GRIN3A: variants seen among roughly 807,000 people sequenced by gnomAD.
GRIN3A encodes glutamate ionotropic receptor NMDA type subunit 3A, also known as glutamate receptor ionotropic, NMDA 3A.
A neutral mutation model predicts 92.4 loss-of-function variants in GRIN3A; 47 were observed. The ratio of observed to expected loss-of-function variants is 0.51; its 90% CI spans 0.40 to 0.65. GRIN3A has a LOEUF of 0.65. GRIN3A is among the 30% of genes least tolerant of loss of function. GRIN3A has a pLI of 0.00. For missense variants in GRIN3A, 1,324 were observed against 1,393.1 expected (o/e 0.95, Z 0.79); for synonymous variants, 527 against 540.6 (o/e 0.97, Z 0.35).
intron 6 of GRIN3A, among the ~76,000 whole-genome samples, chr9:101,581,627 G>A (rs1462649365): frequency 1.3e-5 from 2 of 152,122 alleles, no homozygotes; most frequent in South Asian, 2.1e-4. Flanking sequence ...AATAAACTTG[G>A]TGGTGCTTTG....
At chr9:101,717,699 T>A (rs1829964383) in intron 1 of GRIN3A, among the ~76,000 whole-genome samples, 1 of 124,184 alleles carries the variant, frequency 8.1e-6, no homozygotes, top group Admixed American at 9.2e-5. Context: ...TTCTCTAATT[T>A]TAAATGTCAA....
intron 4 of GRIN3A, 107 bp from the exon 5 acceptor site, chr9:101,623,540 G>A: frequency 2.6e-6 from 2 of 772,436 alleles, no homozygotes; most frequent in South Asian, 2.9e-5. Context: ...GAACACTAAG[G>A]GCCGCACAAG....
At chr9:101,707,729 A>T (rs890554572) in intron 1 of GRIN3A, among the ~76,000 whole-genome samples, 1 of 152,176 alleles carries the variant, frequency 6.6e-6, no homozygotes, top group East Asian at 1.9e-4. Flanking sequence ...TTGTACCCTT[A>T]ATTGTGGCAA....
chr9:101,628,725 C>T (rs13287159), intron 3 of GRIN3A, among the ~76,000 whole-genome samples: 7,945 of 152,222 alleles, frequency 0.052, 300 homozygotes, highest in East Asian at 0.17. Context: ...AACTGCATAT[C>T]AGACAAAGTG....
At chr9:101,655,943 G>A (rs1232678295) in intron 3 of GRIN3A, among the ~76,000 whole-genome samples, 1 of 151,956 alleles carries the variant, frequency 6.6e-6, no homozygotes, top group Admixed American at 6.6e-5. Context: ...TGAGAGGCCT[G>A]TGTAAAAGTG....
intron 1 of GRIN3A, among the ~76,000 whole-genome samples, chr9:101,688,818 A>G (rs958707585): frequency 2.0e-5 from 3 of 152,126 alleles, no homozygotes; most frequent in Admixed American, 6.5e-5. Context: ...CAGTGAGCCA[A>G]AATTGCACCA....
At chr9:101,648,623 A>G (rs1828970730) in intron 3 of GRIN3A, among the ~76,000 whole-genome samples, 1 of 152,004 alleles carries the variant, frequency 6.6e-6, no homozygotes, top group Non-Finnish European at 1.5e-5. Flanking sequence ...TATTTGTTCT[A>G]TGTATTTAGG....
intron 6 of GRIN3A, among the ~76,000 whole-genome samples, chr9:101,588,837 G>A (rs1396622761): frequency 6.6e-6 from 1 of 151,748 alleles, no homozygotes; most frequent in South Asian, 2.1e-4. Flanking sequence ...AACTTTAGTT[G>A]CCTAATACTA....
At chr9:101,610,958 T>C (rs1262732781) in intron 6 of GRIN3A, among the ~76,000 whole-genome samples, 1 of 151,848 alleles carries the variant, frequency 6.6e-6, no homozygotes. Flanking sequence ...ATTAGCCACG[T>C]GTGGTAGTGG....
rs1458694057 is a variant in GRIN3A, at chr9:101,697,290, T to TAG, written c.700-10091_700-10090insCT. 4.6e-5 allele frequency among the ~76,000 whole-genome samples: 7 copies of TAG among 152,338 alleles called. No individual in the cohort carries two copies. The East Asian group carries it at 1.3e-3, about 29-fold the overall frequency. On this transcript the variant is annotated intron_variant, in intron 1 of 8. Coordinates refer to ENST00000361820, the MANE Select transcript of GRIN3A (RefSeq NM_133445.3). ...TAATTGTGGAATACATCAGTATAGT[T>TAG]AACTCTTTGTACCTTTCAAATCATG...
rs28691126 is a variant in GRIN3A, at chr9:101,578,847, G to A, written c.2931+349C>T. Among the ~76,000 whole-genome samples, 291 of 152,280 alleles carry A rather than the reference G, an allele frequency of 1.9e-3. 1 individual carries two copies. The highest frequency in any genetic ancestry group is 5.4e-3 in the African/African-American group (223 of 41,564). On this transcript the variant is annotated intron_variant, in intron 7 of 8. Transcript: ENST00000361820. ...AGGGGACCAGGGACTTTAAACTCAC[G>A]TAATAGGTTTCAATTTTGGCAAGAA...
At chr9:101,734,368 T>G (rs1830175115) in intron 1 of GRIN3A, among the ~76,000 whole-genome samples, 1 of 152,220 alleles carries the variant, frequency 6.6e-6, no homozygotes, top group African/African-American at 2.4e-5. Context: ...TTGAGTGTTG[T>G]AGTGAAGTCA....
At chr9:101,626,060 A>T (rs1828630519) in intron 4 of GRIN3A, among the ~76,000 whole-genome samples, 1 of 152,100 alleles carries the variant, frequency 6.6e-6, no homozygotes, top group Admixed American at 6.6e-5. Context: ...CTCCATTGGG[A>T]CCCTGAGTCA....
At chr9:101,663,154 T>C (rs1267892322) in intron 3 of GRIN3A, among the ~76,000 whole-genome samples, 1 of 151,908 alleles carries the variant, frequency 6.6e-6, no homozygotes, top group Non-Finnish European at 1.5e-5. Context: ...TGCTCTTCTC[T>C]AACATCCTCA....
intron 1 of GRIN3A, among the ~76,000 whole-genome samples, chr9:101,723,419 C>T (rs1293846086): frequency 6.6e-6 from 1 of 152,086 alleles, no homozygotes; most frequent in Admixed American, 6.5e-5. Context: ...TGCAGACCTT[C>T]GTGGTGAGTG....
At chr9:101,613,565 C>G in intron 5 of GRIN3A, 38 bp from the exon 6 acceptor site, 1 of 1,605,508 alleles carries the variant, frequency 6.2e-7, no homozygotes, top group Non-Finnish European at 8.5e-7. Context: ...TTTTTTACAC[C>G]CTTCCTGAGA....
At chr9:101,728,336 C>T (rs1224031617) in intron 1 of GRIN3A, among the ~76,000 whole-genome samples, 2 of 152,124 alleles carry the variant, frequency 1.3e-5, no homozygotes, top group African/African-American at 4.8e-5. Flanking sequence ...TCAGTAAGTT[C>T]AGCTAATGAC....
At chr9:101,691,668 A>G (rs1829622927) in intron 1 of GRIN3A, among the ~76,000 whole-genome samples, 1 of 152,040 alleles carries the variant, frequency 6.6e-6, no homozygotes, top group African/African-American at 2.4e-5. Context: ...CTGCTTCTAT[A>G]TTTCCTGTGC....
chr9:101,609,229 A>G (rs1828326072), intron 6 of GRIN3A, among the ~76,000 whole-genome samples: 2 of 152,332 alleles, frequency 1.3e-5, no homozygotes, highest in Middle Eastern at 3.4e-3. Flanking sequence ...ATTTTGGCCA[A>G]TGAAATATGA....
Sources: allele counts gnomAD v4.1 joint callset (sites outside exome capture counted in the v4.1 genomes callset), GRCh38; gene constraint gnomAD v4.1.1; transcripts MANE v1.5; gene names NCBI Gene and HGNC (gene_info 2026-07-23, HGNC 2026-07-21).